Variants in ZRANB3 observed in about 807,000 individuals in gnomAD.
ZRANB3 encodes DNA annealing helicase and endonuclease ZRANB3.
ZRANB3 carries 125 observed loss-of-function variants against 133.8 expected under a neutral mutation model. The observed-to-expected ratio is 0.93, with a 90% confidence interval of 0.81 to 1.08. The LOEUF (loss-of-function observed/expected upper bound fraction) is 1.08. Among genes scored for constraint, ZRANB3 ranks in the 50% least tolerant of loss-of-function variants. The pLI is 0.00. For synonymous variants in ZRANB3, 387 were observed against 432.7 expected (o/e 0.89, Z 1.31); for missense variants, 1,229 against 1,275.5 (o/e 0.96, Z 0.56).
At chr2:135,254,621 C>A (rs918668011) in intron 12 of ZRANB3, among the ~76,000 whole-genome samples, 1 of 151,752 alleles carries the variant, frequency 6.6e-6, no homozygotes, top group Admixed American at 6.6e-5. Flanking sequence ...TTGAAAAAAA[C>A]AAAACAAAAA....
At chr2:135,255,724 A>G (rs1679618048) in intron 12 of ZRANB3, among the ~76,000 whole-genome samples, 2 of 151,292 alleles carry the variant, frequency 1.3e-5, no homozygotes, top group African/African-American at 4.9e-5. Flanking sequence ...TGGCATGATG[A>G]TAGTCCTGGC....
chr2:135,281,642 A>G (rs905274025), intron 8 of ZRANB3, among the ~76,000 whole-genome samples: 1 of 152,214 alleles, frequency 6.6e-6, no homozygotes, highest in African/African-American at 2.4e-5. Context: ...GGGTCAGACA[A>G]CAGAAGACAG....
At chr2:135,249,143 G>A (rs1679240662) in intron 12 of ZRANB3, among the ~76,000 whole-genome samples, 1 of 152,226 alleles carries the variant, frequency 6.6e-6, no homozygotes, top group South Asian at 2.1e-4. Flanking sequence ...ATACACTGTT[G>A]GTGGGAGTGT....
chr2:135,286,744 C>A (rs908572220), intron 8 of ZRANB3, among the ~76,000 whole-genome samples: 1 of 151,926 alleles, frequency 6.6e-6, no homozygotes, highest in African/African-American at 2.4e-5. Context: ...TGTCCTTAGC[C>A]CACTTTTTGA....
chr2:135,268,319 C>T (rs1680343165), intron 11 of ZRANB3, among the ~76,000 whole-genome samples: 1 of 152,114 alleles, frequency 6.6e-6, no homozygotes, highest in Non-Finnish European at 1.5e-5. Flanking sequence ...CACCTGCTAC[C>T]ATGCCCAGCT....
At chr2:135,307,217 C>T (rs373541152) in intron 8 of ZRANB3, among the ~76,000 whole-genome samples, 2 of 152,140 alleles carry the variant, frequency 1.3e-5, no homozygotes, top group East Asian at 3.9e-4. Context: ...AGACGTGTAC[C>T]ATCACACTGA....
intron 9 of ZRANB3, among the ~76,000 whole-genome samples, chr2:135,275,229 C>A (rs1169895895): frequency 4.7e-5 from 6 of 128,608 alleles, no homozygotes; most frequent in Non-Finnish European, 6.7e-5. Context: ...ACCTCCCGGA[C>A]GGGGCGGCTG....
chr2:135,315,055 C>T (rs558337564), intron 7 of ZRANB3, among the ~76,000 whole-genome samples: 5 of 152,190 alleles, frequency 3.3e-5, no homozygotes, highest in South Asian at 4.2e-4. Context: ...TATGAGCCAC[C>T]GTGCCTGGCC....
chr2:135,492,544 T>C (rs1403679543), intron 2 of ZRANB3, among the ~76,000 whole-genome samples: 1 of 152,188 alleles, frequency 6.6e-6, no homozygotes, highest in Non-Finnish European at 1.5e-5. Flanking sequence ...TTAGATATTC[T>C]AAAAATCCCT....
At chr2:135,435,741 C>G (rs1423775708) in intron 2 of ZRANB3, among the ~76,000 whole-genome samples, 1 of 152,144 alleles carries the variant, frequency 6.6e-6, no homozygotes, top group East Asian at 1.9e-4. Flanking sequence ...CTCTAATTAT[C>G]AGTGATACTG....
intron 8 of ZRANB3, among the ~76,000 whole-genome samples, chr2:135,306,331 A>G (rs1326116897): frequency 7.1e-6 from 1 of 141,202 alleles, no homozygotes; most frequent in East Asian, 2.1e-4. Flanking sequence ...TCTGTCACCC[A>G]GGCTGGAGTG....
At chr2:135,371,713 A>T (rs1686188772) in intron 3 of ZRANB3, among the ~76,000 whole-genome samples, 1 of 152,220 alleles carries the variant, frequency 6.6e-6, no homozygotes, top group Non-Finnish European at 1.5e-5. Flanking sequence ...TCTATGCTAG[A>T]CATTTTAATA....
At chr2:135,403,477 CA>C (rs1194715147) in intron 2 of ZRANB3, among the ~76,000 whole-genome samples, 2 of 152,208 alleles carry the variant, frequency 1.3e-5, no homozygotes, top group African/African-American at 2.4e-5. Context: ...GTGTGGAGCC[CA>C]CTGCAGCTCA....
chr2:135,470,626 G>A (rs896604362), intron 2 of ZRANB3, among the ~76,000 whole-genome samples: 1 of 151,692 alleles, frequency 6.6e-6, no homozygotes, highest in Non-Finnish European at 1.5e-5. Flanking sequence ...GGCGGAGGTT[G>A]AAGTGATCCA....
intron 3 of ZRANB3, among the ~76,000 whole-genome samples, chr2:135,362,197 CAA>C (rs1274331901): frequency 4.2e-4 from 31 of 73,030 alleles, no homozygotes; most frequent in Admixed American, 6.5e-4. Flanking sequence ...GACTCCGTCT[CAA>C]AAAAAAAAAA....
Position 135,520,175 on chromosome 2 carries a change from G to C in ZRANB3, c.-8+10952C>G, listed in dbSNP as rs908760173. Among the ~76,000 whole-genome samples the C allele has an allele frequency of 2.6e-5, 4 of 151,404 alleles. No homozygotes were observed. The East Asian group carries it at 5.8e-4, about 22-fold the overall frequency. ...GAGGCGGGTGGATAATTTGAGGTAA[G>C]GAGTTCAAGACCAGCCTGGCAAACA... is the stretch of plus-strand genomic sequence containing the variant. On this transcript the variant is annotated intron_variant, in intron 1 of 20. Coordinates refer to ENST00000264159, the MANE Select transcript of ZRANB3 (RefSeq NM_032143.4).
At position 135,239,380 on chromosome 2, in the gene ZRANB3, T is replaced by C. The variant is rs138740322; in HGVS notation, c.1540-8453A>G. 6.4e-3 allele frequency among the ~76,000 whole-genome samples: 940 copies of C among 147,120 alleles called. 8 individuals are homozygous for C. The highest frequency in any genetic ancestry group is 0.043 in the South Asian group (197 of 4,596). ...CACTAACTGTACACTTAAAAATGGT[T>C]AAAATGACAAATTTTATTTACCACA... On this transcript the variant is annotated intron_variant, in intron 12 of 20. Coordinates refer to ENST00000264159, the MANE Select transcript of ZRANB3 (RefSeq NM_032143.4).
At chr2:135,399,469 A>G (rs1687644120) in intron 2 of ZRANB3, among the ~76,000 whole-genome samples, 1 of 152,200 alleles carries the variant, frequency 6.6e-6, no homozygotes, top group African/African-American at 2.4e-5. Context: ...AGACTGACTA[A>G]GCTGCACCCT....
chr2:135,336,326 T>C (rs1334247192), intron 6 of ZRANB3, among the ~76,000 whole-genome samples: 1 of 152,256 alleles, frequency 6.6e-6, no homozygotes, highest in Non-Finnish European at 1.5e-5. Flanking sequence ...TAACTTATTT[T>C]GAATACAGTC....
Sources: gnomAD v4.1 joint callset for allele counts (sites outside exome capture counted in the v4.1 genomes callset) on GRCh38, gnomAD v4.1.1 for gene constraint, MANE v1.5 for transcripts, NCBI Gene and HGNC (gene_info 2026-07-23, HGNC 2026-07-21) for gene names.